COL17A1: variants seen among roughly 807,000 people sequenced by gnomAD.
COL17A1 encodes the protein collagen alpha-1(XVII) chain.
Under a neutral mutation model 218.4 loss-of-function variants are expected in COL17A1, and 181 were observed. The ratio of observed to expected loss-of-function variants is 0.83; its 90% confidence interval spans 0.73 to 0.94. The LOEUF is 0.94. Among genes scored for constraint, COL17A1 ranks in the 40% least tolerant of loss-of-function variants. The pLI, the probability that COL17A1 is intolerant of heterozygous loss-of-function variation, is 0.00. For missense variants in COL17A1, 1,924 were observed against 1,945.9 expected, an observed-to-expected ratio of 0.99 and a Z score of 0.21; for synonymous variants, 721 against 731.0, an observed-to-expected ratio of 0.99 and a Z score of 0.22.
intron 17 of COL17A1, 136 bp from the exon 18 acceptor site, chr10:104,056,139 A>T: frequency 9.3e-7 from 1 of 1,073,096 alleles, no homozygotes; most frequent in Non-Finnish European, 1.4e-6. Flanking sequence ...TCATGCAGAG[A>T]TAATCTGCCG....
intron 31 of COL17A1, among the ~76,000 whole-genome samples, chr10:104,047,237 T>G (rs922170257): frequency 1.3e-5 from 2 of 151,896 alleles, no homozygotes; most frequent in African/African-American, 2.4e-5. Flanking sequence ...CCTGCAACCC[T>G]GAGAAGTTTG....
At chr10:104,059,036 G>A (rs1367494856) in intron 15 of COL17A1, among the ~76,000 whole-genome samples, 1 of 152,120 alleles carries the variant, frequency 6.6e-6, no homozygotes, top group African/African-American at 2.4e-5. Context: ...TTCTGAAAAG[G>A]ATCTTTTGAC....
intron 33 of COL17A1, among the ~76,000 whole-genome samples, chr10:104,044,433 A>G (rs2086389665): frequency 6.6e-6 from 1 of 152,220 alleles, no homozygotes; most frequent in African/African-American, 2.4e-5. Flanking sequence ...CGAGAAGAGG[A>G]CATTCCCAAA....
intron 19 of COL17A1, 40 bp from the exon 20 acceptor site, chr10:104,055,047 G>T (rs748945704): frequency 1.2e-6 from 2 of 1,613,570 alleles, no homozygotes; most frequent in Middle Eastern, 1.6e-4. Context: ...GATGGGGCAA[G>T]AACCCAAAGG....
At position 104,063,760 on chromosome 10, in the gene COL17A1, G is replaced by C. The variant is rs141174922; in HGVS notation, c.825C>G (p.Ser275Arg). The stretch of plus-strand genomic sequence containing the variant: ...GGTGACACTGACCTGAGGAGGATGT[G>C]CTGAGTCCAGGGTGCAAAGTGGGTG... The part of the protein sequence containing the change: ...SCSPTLHPGL[S>R]TSSSVFGMQN... Residue 275 changes from serine to arginine, a missense_variant, in exon 11 of 56, where the codon AGC (serine) becomes AGG (arginine). Coordinates refer to ENST00000648076, the MANE Select transcript of COL17A1 (RefSeq NM_000494.4). 1.1e-4 allele frequency: 170 copies of C among 1,614,228 alleles called. No individual in the cohort carries two copies. In the African/African-American group the frequency reaches 1.8e-3, roughly 17 times the overall value.
chr10:104,080,668 A>G lies in COL17A1; in HGVS notation c.6T>C (p.Asp2=), dbSNP rs749015428. Residue 2 remains aspartate, a synonymous_variant, in exon 2 of 56, where the codon GAT becomes GAC. Transcript: ENST00000648076. M[D]VTKKNKRDGT... The stretch of plus-strand genomic sequence containing the variant: ...CATCTCGTTTGTTTTTCTTGGTTAC[A>G]TCCATACCATAGCCACCTGCAGGAA... The G allele has an allele frequency of 5.6e-6, 9 of 1,613,294 alleles. No individual in the cohort carries two copies. The South Asian group carries it at 7.7e-5, about 14-fold the overall frequency.
At chr10:104,052,002 G>T (rs552310402) in intron 24 of COL17A1, among the ~76,000 whole-genome samples, 153 bp downstream of exon 24, 1 of 152,260 alleles carries the variant, frequency 6.6e-6, no homozygotes, top group African/African-American at 2.4e-5. Flanking sequence ...TGCTTTTCTG[G>T]GGGATGCTCT....
chr10:104,044,768 G>T (rs979980504), intron 33 of COL17A1, among the ~76,000 whole-genome samples: 14 of 152,062 alleles, frequency 9.2e-5, no homozygotes, highest in Admixed American at 3.9e-4. Context: ...GAAGTCACGG[G>T]CCCTCAAAAA....
chr10:104,063,825 G>A lies in COL17A1; in HGVS notation c.767-7C>T, dbSNP rs2086603386. 2 of 1,614,136 alleles carry A rather than the reference G, an allele frequency of 1.2e-6. No individual in the cohort carries two copies. Among genetic ancestry groups the A allele is most frequent in the Non-Finnish European group, 8.5e-7 (1 of 1,179,990 alleles). On this transcript the variant is annotated splice_region_variant and splice_polypyrimidine_tract_variant and intron_variant, in intron 10 of 55. Transcript: ENST00000648076. ...TTGTTTGGAACTCCGAAGACTGCAG[G>A]GGCAAGGAGGAAGGCTGGTGAGAGG...
intron 39 of COL17A1, 139 bp downstream of exon 39, chr10:104,040,926 G>T (rs907975920): frequency 1.0e-6 from 1 of 971,348 alleles, no homozygotes; most frequent in Non-Finnish European, 1.6e-6. Flanking sequence ...CAAGCAGGAA[G>T]ATTATATAAA....
At position 104,044,254 on chromosome 10, in the gene COL17A1, C is replaced by T. The variant is rs528633034; in HGVS notation, c.2399-394G>A. On this transcript the variant is annotated intron_variant, in intron 33 of 55. Coordinates refer to ENST00000648076, the MANE Select transcript of COL17A1 (RefSeq NM_000494.4). ...GAGGCGATGAGCCCGCCAGGTAGAG[C>T]GGGATTCCTAGAGTGCTCTGTGGGA... Among the ~76,000 whole-genome samples, 27 of 152,254 alleles carry T rather than the reference C, an allele frequency of 1.8e-4. No homozygotes were observed. The South Asian group carries it at 3.1e-3, about 18-fold the overall frequency.
chr10:104,057,254 T>C (rs2086539299), intron 16 of COL17A1, 82 bp from the exon 17 acceptor site: 6 of 1,609,906 alleles, frequency 3.7e-6, no homozygotes, highest in African/African-American at 2.7e-5. Context: ...TTGGTGACTT[T>C]CTGGCCTGAG....
At chr10:104,081,911 A>C (rs993907095) in intron 1 of COL17A1, among the ~76,000 whole-genome samples, 2 of 152,218 alleles carry the variant, frequency 1.3e-5, no homozygotes, top group Non-Finnish European at 2.9e-5. Context: ...CAGTTGTAAA[A>C]TAGAATTTTA....
Position 104,063,759 on chromosome 10 carries a change from T to G in COL17A1, c.826A>C (p.Thr276Pro). 6.2e-7 allele frequency: 1 copy of G among 1,614,178 alleles called. No individual in the cohort carries two copies. Among genetic ancestry groups the G allele is most frequent in the Non-Finnish European group, 8.5e-7 (1 of 1,180,014 alleles). Residue 276 changes from threonine (T) to proline (P), a missense_variant, in exon 11 of 56, where the codon ACA (threonine) becomes CCA (proline). By Grantham distance (38) the Thr-to-Pro change is conservative. Coordinates refer to ENST00000648076, the MANE Select transcript of COL17A1 (RefSeq NM_000494.4). ...CSPTLHPGLS[T>P]SSSVFGMQNN... ...TGGTGACACTGACCTGAGGAGGATGTGCTGAGTCCAGGGTGCAAAGTGGGT... is the reference window on the plus strand; with the variant it reads ...TGGTGACACTGACCTGAGGAGGATGGGCTGAGTCCAGGGTGCAAAGTGGGT...
At chr10:104,070,824 C>T (rs2086663643) in intron 8 of COL17A1, among the ~76,000 whole-genome samples, 1 of 152,156 alleles carries the variant, frequency 6.6e-6, no homozygotes, top group South Asian at 2.1e-4. Context: ...GGAGATATTT[C>T]CTAATTAGAC....
chr10:104,044,237 G>A (rs1390923379), intron 33 of COL17A1, among the ~76,000 whole-genome samples: 2 of 152,350 alleles, frequency 1.3e-5, no homozygotes, highest in East Asian at 3.9e-4. Flanking sequence ...CAGAGGCGAT[G>A]AGCCCGCCAG....
intron 2 of COL17A1, among the ~76,000 whole-genome samples, chr10:104,080,212 C>T (rs2086752867): frequency 6.6e-6 from 1 of 152,058 alleles, no homozygotes. Flanking sequence ...TGGGCAGTTC[C>T]ACAAAATAAA....
chr10:104,060,063 T>C, intron 14 of COL17A1, 56 bp downstream of exon 14: 1 of 1,611,436 alleles, frequency 6.2e-7, no homozygotes. Flanking sequence ...GGACATTTGG[T>C]CTCCTACACT....
rs753945884 is a variant in COL17A1, at chr10:104,041,468, G to T, written c.2605+17C>A. ...CCCCCAAACTCCCCACCTTCCAAAG[G>T]TCTCCAAGATACTCACCTGGTGGCC... On this transcript the variant is annotated intron_variant, in intron 37 of 55. Coordinates refer to ENST00000648076, the MANE Select transcript of COL17A1 (RefSeq NM_000494.4). 5.0e-6 allele frequency: 8 copies of T among 1,609,876 alleles called. No individual in the cohort carries two copies. Among genetic ancestry groups the T allele is most frequent in the African/African-American group, 4.0e-5 (3 of 74,474 alleles).
Sources: allele counts gnomAD v4.1 joint callset (sites outside exome capture counted in the v4.1 genomes callset), GRCh38; gene constraint gnomAD v4.1.1; transcripts MANE v1.5; gene names NCBI Gene and HGNC (gene_info 2026-07-23, HGNC 2026-07-21).